MPG: variants seen among roughly 807,000 people sequenced by gnomAD.
MPG encodes N-methylpurine DNA glycosylase.
MPG carries 33 observed loss-of-function variants against 31.7 expected under a neutral mutation model. The observed-to-expected ratio is 1.04, with a 90% confidence interval of 0.79 to 1.39. The LOEUF (loss-of-function observed/expected upper bound fraction) is 1.39, where lower values mean the gene tolerates loss of function less well. Among genes scored for constraint, MPG ranks in the 40% most tolerant of loss-of-function variants. MPG has a pLI of 0.00. For synonymous variants in MPG, 202 were observed against 169.2 expected (o/e 1.19, Z -1.51); for missense variants, 455 against 415.5 (o/e 1.10, Z -0.83).
intron 2 of MPG, among the ~76,000 whole-genome samples, chr16:82,625 T>C (rs940030463): frequency 6.6e-6 from 1 of 152,144 alleles, no homozygotes; most frequent in African/African-American, 2.4e-5. Context: ...AGGTAGCTGG[T>C]GTGGGGACAT....
In MPG at chr16:85,481, C is replaced by G. The variant is rs200919197; in HGVS notation, c.586C>G (p.Arg196Gly). ...ETMRQLRSTLRKGTASRVLKD... is the reference protein window; with the variant it reads ...ETMRQLRSTLGKGTASRVLKD... Reference sequence around the variant, plus strand: ...CATGCGTCAGCTTCGCAGCACCCTCCGGAAAGGCACCGCCAGCCGTGTCCT... The same window carrying G: ...CATGCGTCAGCTTCGCAGCACCCTCGGGAAAGGCACCGCCAGCCGTGTCCT... Residue 196 changes from arginine to glycine, a missense_variant, in exon 4 of 4, where the codon CGG (arginine) becomes GGG (glycine). Transcript: ENST00000356432. 10 of 1,613,190 alleles carry G rather than the reference C, an allele frequency of 6.2e-6. No individual in the cohort carries two copies. The African/African-American group carries it at 1.3e-4, about 21-fold the overall frequency.
rs527522670 is a variant in MPG, at chr16:83,237, C to T, written c.486C>T (p.Cys162=). The change falls in exon 3 of 4, where the codon TGC becomes TGT. Residue 162 remains cysteine (C), a synonymous_variant. Transcript: ENST00000356432. ...ACATCATTTACGGCATGTACTTCTG[C>T]ATGAACATCTCCAGCCAGGGTGAGC... is the stretch of plus-strand genomic sequence containing the variant. The part of the protein sequence containing the change: ...YVYIIYGMYF[C]MNISSQGDGA... 1 of 1,612,124 alleles carries T rather than the reference C, an allele frequency of 6.2e-7. No individual in the cohort carries two copies. Among genetic ancestry groups the T allele is most frequent in the South Asian group, 1.1e-5 (1 of 91,018 alleles).
At chr16:78,919 G>C (rs1418858091) in intron 1 of MPG, among the ~76,000 whole-genome samples, 3 of 152,216 alleles carry the variant, frequency 2.0e-5, no homozygotes, top group Admixed American at 6.5e-5. Flanking sequence ...AGGACAGTTA[G>C]GGACCCTGAG....
intron 2 of MPG, among the ~76,000 whole-genome samples, chr16:82,111 C>T (rs12919203): frequency 8.1e-4 from 74 of 90,912 alleles, no homozygotes; most frequent in African/African-American, 6.8e-4. Context: ...CACCACCCTA[C>T]CTCCGGGAAG....
In MPG at chr16:79,199, C is replaced by T. The variant is rs577969666; in HGVS notation, c.25-226C>T. 2.6e-3 allele frequency: 4,048 copies of T among 1,548,944 alleles called. 7 individuals are homozygous for T. The highest frequency in any genetic ancestry group is 3.3e-3 in the Non-Finnish European group (3,800 of 1,145,850). ...CACATATGTGGGGCAGAGCAGCCAC[C>T]CTGCCCCCAGCAGCAGCCGTCCATC... On this transcript the variant is annotated intron_variant, in intron 1 of 3. Transcript: ENST00000356432.
At chr16:81,493 G>GGCCTGGCCAA (rs1280481961) in intron 2 of MPG, among the ~76,000 whole-genome samples, 1 of 152,146 alleles carries the variant, frequency 6.6e-6, no homozygotes, top group African/African-American at 2.4e-5. Context: ...CCCTGGACAT[G>GGCCTGGCCAA]GCCTGGCCAA....
chr16:82,943 T>C (rs1898290895), intron 2 of MPG, 109 bp from the exon 3 acceptor site: 1 of 942,616 alleles, frequency 1.1e-6, no homozygotes, highest in East Asian at 2.6e-5. Flanking sequence ...TGGCTAGACC[T>C]GGGCGGCTGA....
intron 2 of MPG, chr16:79,992 C>A (rs1898198243): frequency 1.9e-6 from 1 of 520,834 alleles, no homozygotes; most frequent in Admixed American, 3.3e-5. Flanking sequence ...TAGCCTTCCT[C>A]ACCGGCAATC....
chr16:80,524 T>C (rs1898209967), intron 2 of MPG, among the ~76,000 whole-genome samples: 2 of 152,162 alleles, frequency 1.3e-5, no homozygotes. Context: ...GTAATGGGCA[T>C]TTGTGGCCAG....
intron 2 of MPG, among the ~76,000 whole-genome samples, chr16:80,707 G>A (rs1898215960): frequency 6.6e-6 from 1 of 152,194 alleles, no homozygotes. Context: ...TACTTGGGAG[G>A]CTGAGGCAGG....
intron 2 of MPG, chr16:79,968 A>G (rs1263237910): frequency 1.8e-6 from 1 of 554,470 alleles, no homozygotes; most frequent in Non-Finnish European, 3.2e-6. Context: ...CTAGGGCAGG[A>G]GCACTTGCAC....
chr16:78,991 TC>T, intron 1 of MPG: 1 of 1,316,276 alleles, frequency 7.6e-7, no homozygotes, highest in Non-Finnish European at 9.5e-7. Context: ...CCTGCTAAGA[TC>T]CTGTGTTTTG....
chr16:80,726 T>C (rs1898216511), intron 2 of MPG, among the ~76,000 whole-genome samples: 2 of 152,090 alleles, frequency 1.3e-5, no homozygotes, highest in Admixed American at 1.3e-4. Context: ...GGAGAATCAC[T>C]TGAACCCGGG....
At chr16:83,526 A>C (rs1478144240) in intron 3 of MPG, 5 of 392,486 alleles carry the variant, frequency 1.3e-5, no homozygotes, top group Non-Finnish European at 2.3e-5. Context: ...GGATCACCTG[A>C]GGTCAGGAGT....
chr16:78,526 A>C (rs1455933533), intron 1 of MPG, among the ~76,000 whole-genome samples, 193 bp downstream of exon 1: 1 of 152,176 alleles, frequency 6.6e-6, no homozygotes, highest in African/African-American at 2.4e-5. Context: ...CCGGGGGCTG[A>C]ACCCACGGCG....
intron 3 of MPG, among the ~76,000 whole-genome samples, chr16:83,698 G>A (rs1374638583): frequency 1.2e-4 from 18 of 149,464 alleles, no homozygotes; most frequent in East Asian, 6.0e-4. Context: ...CCAAGATCGC[G>A]CCATTGCACT....
intron 2 of MPG, among the ~76,000 whole-genome samples, chr16:81,747 A>G (rs1466381871): frequency 4.1e-4 from 26 of 63,666 alleles, no homozygotes; most frequent in African/African-American, 5.2e-4. Flanking sequence ...CCCCACACTG[A>G]CCCCTTCTTC....
Position 83,121 on chromosome 16 carries a change from G to A in MPG, c.370G>A (p.Gly124Arg). The A allele has an allele frequency of 2.5e-6, 4 of 1,613,102 alleles. No individual in the cohort carries two copies. Among genetic ancestry groups the A allele is most frequent in the Non-Finnish European group, 2.5e-6 (3 of 1,179,894 alleles). The change falls in exon 3 of 4, where the codon GGG becomes AGG. Residue 124 changes from glycine (G) to arginine (R), a missense_variant. Coordinates refer to ENST00000356432, the MANE Select transcript of MPG (RefSeq NM_001015052.3). Reference protein sequence around the residue: ...GRIVETEAYLGPEDEAAHSRG... With the variant: ...GRIVETEAYLRPEDEAAHSRG... ...CATCGTGGAGACCGAGGCATACCTGGGGCCAGAGGATGAAGCCGCCCACTC... is the reference window on the plus strand; with the variant it reads ...CATCGTGGAGACCGAGGCATACCTGAGGCCAGAGGATGAAGCCGCCCACTC...
intron 3 of MPG, chr16:84,284 G>A (rs1307990915): frequency 6.6e-6 from 1 of 152,328 alleles, no homozygotes; most frequent in East Asian, 1.9e-4. Context: ...GCTTGGCCTG[G>A]ATTTTATCTT....
Sources: gnomAD v4.1 joint callset for allele counts (sites outside exome capture counted in the v4.1 genomes callset) on GRCh38, gnomAD v4.1.1 for gene constraint, MANE v1.5 for transcripts, NCBI Gene and HGNC (gene_info 2026-07-23, HGNC 2026-07-21) for gene names.